The following EPHX2 variants were observed in gnomAD, a reference collection of about 807,000 sequenced individuals.
EPHX2 encodes the protein epoxide hydrolase 2, also known as bifunctional epoxide hydrolase 2.
Under a neutral mutation model 78.7 loss-of-function variants are expected in EPHX2, and 74 were observed. That is an observed-to-expected ratio of 0.94 (90% CI 0.78 to 1.14). The LOEUF (loss-of-function observed/expected upper bound fraction) is 1.14. Among genes scored for constraint, EPHX2 ranks in the 50% most tolerant of loss-of-function variants. The pLI, the probability that EPHX2 is intolerant of heterozygous loss-of-function variation, is 0.00. For synonymous variants in EPHX2, 251 were observed against 255.2 expected (o/e 0.98, Z 0.16); for missense variants, 715 against 702.5 (o/e 1.02, Z -0.20).
chr8:27,532,977 T>C (rs147418440), intron 12 of EPHX2, among the ~76,000 whole-genome samples: 1 of 151,964 alleles, frequency 6.6e-6, no homozygotes, highest in Admixed American at 6.6e-5. Flanking sequence ...TAGCCAGGCA[T>C]GGTGGTGCAC....
intron 12 of EPHX2, among the ~76,000 whole-genome samples, chr8:27,529,907 A>G (rs1210613805): frequency 1.3e-5 from 2 of 152,010 alleles, no homozygotes; most frequent in Admixed American, 6.6e-5. Context: ...AAAAAAAGAA[A>G]AAGAAAAAAG....
intron 8 of EPHX2, among the ~76,000 whole-genome samples, chr8:27,516,850 G>A (rs1814473547): frequency 6.6e-6 from 1 of 151,816 alleles, no homozygotes; most frequent in Non-Finnish European, 1.5e-5. Flanking sequence ...TTTGTGTCTG[G>A]CTTCTTTCAC....
In EPHX2 at chr8:27,506,330, T is replaced by C. The variant is rs143045347; in HGVS notation, c.538-542T>C. ...AATTTTTGATTCATTAAGAATCTAT[T>C]TGGGGGTAAGATATAAAGTAAGGAT... is the stretch of plus-strand genomic sequence containing the variant. On this transcript the variant is annotated intron_variant, in intron 4 of 18. Transcript: ENST00000521400. 8.5e-5 allele frequency among the ~76,000 whole-genome samples: 13 copies of C among 152,344 alleles called. No homozygotes were observed. The East Asian group carries it at 2.5e-3, about 29-fold the overall frequency.
intron 11 of EPHX2, among the ~76,000 whole-genome samples, chr8:27,525,107 T>TGTGTGTGTGTGTGTGTGTGC (rs1491544464): frequency 1.9e-5 from 2 of 103,456 alleles, no homozygotes; most frequent in African/African-American, 7.2e-5. Flanking sequence ...TGTGTGTGTG[T>TGTGTGTGTGTGTGTGTGTGC]GCGCGCGCGC....
Position 27,541,512 on chromosome 8 carries a change from G to C in EPHX2, c.1419G>C (p.Trp473Cys). The change falls in exon 16 of 19, where the codon TGG (tryptophan) becomes TGC (cysteine). Residue 473 changes from tryptophan (W) to cysteine (C), a missense_variant. Coordinates refer to ENST00000521400, the MANE Select transcript of EPHX2 (RefSeq NM_001979.6). The stretch of plus-strand genomic sequence containing the variant: ...GGTACCGAAACATGGAAAGGAACTG[G>C]AAGTGGGCTTGCAAAAGCTTGGGAC... ...LNWYRNMERN[W>C]KWACKSLGRK... 6.2e-7 allele frequency: 1 copy of C among 1,614,242 alleles called. No individual in the cohort carries two copies. The highest frequency in any genetic ancestry group is 8.5e-7 in the Non-Finnish European group (1 of 1,180,038).
intron 3 of EPHX2, among the ~76,000 whole-genome samples, chr8:27,504,170 A>G (rs559543031): frequency 9.8e-4 from 150 of 152,348 alleles, no homozygotes; most frequent in Non-Finnish European, 1.5e-3. Context: ...ATTATGTCAC[A>G]TAGTCTAAGA....
At chr8:27,547,686 A>T (rs915886829), downstream of EPHX2, among the ~76,000 whole-genome samples, 1 of 152,116 alleles carries the variant, frequency 6.6e-6, no homozygotes, top group African/African-American at 2.4e-5. Context: ...CATTCCTTAA[A>T]TCCCTCCCTA....
intron 9 of EPHX2, 150 bp from the exon 10 acceptor site, chr8:27,520,733 G>A: frequency 1.1e-6 from 1 of 885,616 alleles, no homozygotes; most frequent in Admixed American, 1.8e-5. Context: ...CTCCTTAAAG[G>A]CTGTATCTTC....
chr8:27,536,821 G>GTCA lies in EPHX2; in HGVS notation c.1208_1209insTCA (p.Arg403_Thr404insGln). 2 of 1,613,736 alleles carry GTCA rather than the reference G, an allele frequency of 1.2e-6. No homozygotes were observed. Among genetic ancestry groups the GTCA allele is most frequent in the Non-Finnish European group, 1.7e-6 (2 of 1,179,942 alleles). On this transcript the variant is annotated inframe_insertion, in exon 13 of 19. Transcript: ENST00000521400. ...GCTGAACTGGAACAGAACCTGAGTC[G>GTCA]GACTTTCAAAAGCCTCTTCAGAGCA...
chr8:27,508,235 G>A (rs900790491), intron 5 of EPHX2, among the ~76,000 whole-genome samples: 3 of 152,138 alleles, frequency 2.0e-5, no homozygotes, highest in South Asian at 4.1e-4. Flanking sequence ...CCCAGGAGGT[G>A]GAGGTTGCAA....
chr8:27,514,255 T>C (rs540817806), intron 6 of EPHX2, among the ~76,000 whole-genome samples: 1 of 152,250 alleles, frequency 6.6e-6, no homozygotes, highest in African/African-American at 2.4e-5. Context: ...TGCAGTGAGC[T>C]ATGATCATGC....
chr8:27,523,369 G>T (rs549922873), intron 11 of EPHX2, among the ~76,000 whole-genome samples: 26 of 152,296 alleles, frequency 1.7e-4, no homozygotes, highest in Admixed American at 7.8e-4. Flanking sequence ...GGCTTGAGTG[G>T]GAGCTATCAG....
intron 13 of EPHX2, 147 bp from the exon 14 acceptor site, chr8:27,538,512 C>T (rs980447016): frequency 2.2e-5 from 15 of 667,250 alleles, no homozygotes; most frequent in Admixed American, 2.0e-4. Flanking sequence ...TTACAGTCTG[C>T]GTGGTACTCA....
intron 13 of EPHX2, among the ~76,000 whole-genome samples, chr8:27,537,311 C>T (rs1815245874): frequency 6.6e-6 from 1 of 152,232 alleles, no homozygotes; most frequent in Non-Finnish European, 1.5e-5. Flanking sequence ...TTGCATCTCA[C>T]TCATTTGCAT....
At chr8:27,517,855 G>A (rs1158169042) in intron 8 of EPHX2, among the ~76,000 whole-genome samples, 183 bp from the exon 9 acceptor site, 1 of 152,184 alleles carries the variant, frequency 6.6e-6, no homozygotes, top group Non-Finnish European at 1.5e-5. Flanking sequence ...GACATCAAAA[G>A]CACAGGCAAC....
At chr8:27,544,083 C>A in intron 17 of EPHX2, 103 bp from the exon 18 acceptor site, 1 of 1,370,430 alleles carries the variant, frequency 7.3e-7, no homozygotes, top group East Asian at 2.3e-5. Flanking sequence ...GGCAGGGTGG[C>A]CTGCGGGGAG....
Position 27,523,935 on chromosome 8 carries a change from G to GT in EPHX2, c.1059-1412dup, listed in dbSNP as rs58934271. ...CAAATTCACCCCCTTTTCTATTCCT[G>GT]TTTTTTTTTTTTTTTGAGACAGAGT... On this transcript the variant is annotated intron_variant, in intron 11 of 18. Transcript: ENST00000521400. Among the ~76,000 whole-genome samples the GT allele has an allele frequency of 4.7e-3, 656 of 139,798 alleles. 4 individuals are homozygous for GT. The highest frequency in any genetic ancestry group is 8.8e-3 in the East Asian group (42 of 4,786). 91.7% of individuals were successfully genotyped at this position (139,798 alleles called of 152,430 possible).
At position 27,522,511 on chromosome 8, in the gene EPHX2, A is replaced by G; in HGVS notation, c.1058+3A>G. On this transcript the variant is annotated splice_donor_region_variant and intron_variant, in intron 11 of 18. Coordinates refer to ENST00000521400, the MANE Select transcript of EPHX2 (RefSeq NM_001979.6). ...CTCTTCTACCCCGAGAGAGTGAGGT[A>G]ATTGGGCCTCGGGCAATAAAGATTT... 2 of 1,613,752 alleles carry G rather than the reference A, an allele frequency of 1.2e-6. No homozygotes were observed. The highest frequency in any genetic ancestry group is 1.7e-6 in the Non-Finnish European group (2 of 1,179,776).
chr8:27,508,936 C>T (rs936306737), intron 5 of EPHX2, among the ~76,000 whole-genome samples: 2 of 148,928 alleles, frequency 1.3e-5, no homozygotes, highest in Non-Finnish European at 3.0e-5. Context: ...CCCTGGCAAC[C>T]CCCATCCTGC....
Sources: gnomAD v4.1 joint callset for allele counts (sites outside exome capture counted in the v4.1 genomes callset) on GRCh38, gnomAD v4.1.1 for gene constraint, MANE v1.5 for transcripts, NCBI Gene and HGNC (gene_info 2026-07-23, HGNC 2026-07-21) for gene names.